The following OR52H1 variants were observed in gnomAD, a reference collection of about 807,000 sequenced individuals.
The protein encoded by OR52H1 is olfactory receptor 52H1.
For missense variants in OR52H1, 383 were observed against 396.4 expected (o/e 0.97, Z 0.29); for synonymous variants, 148 against 138.6 (o/e 1.07, Z -0.48).
Position 5,544,804 on chromosome 11 carries a change from A to T in OR52H1, c.702T>A (p.Asp234Glu), listed in dbSNP as rs201816587. The change falls in exon 2 of 2, where the codon GAT becomes GAA. Residue 234 changes from aspartate (D) to glutamate (E), a missense_variant. Physicochemically the swap from Asp to Glu is conservative, Grantham distance 45 (BLOSUM62 2). Transcript: ENST00000322653. The part of the protein sequence containing the change: ...LCAVFGLPSQ[D>E]ACQKALGTCG... ...AAGTGCCGAGGGCTTTCTGGCAGGC[A>T]TCTTGGGAGGGAAGGCCAAAGACAG... is the stretch of plus-strand genomic sequence containing the variant. 6.4e-5 allele frequency: 103 copies of T among 1,614,062 alleles called. No homozygotes were observed. Among genetic ancestry groups the T allele is most frequent in the Admixed American group, 1.5e-4 (9 of 60,000 alleles).
chr11:5,547,100 C>A (rs1026961389), intron 1 of OR52H1, among the ~76,000 whole-genome samples: 4 of 151,946 alleles, frequency 2.6e-5, no homozygotes, highest in Non-Finnish European at 2.9e-5. Flanking sequence ...GGATTACAGG[C>A]GCCCGCCACC....
Position 5,545,509 on chromosome 11 carries a change from A to G in OR52H1, c.-4T>C. 1.9e-6 allele frequency: 3 copies of G among 1,612,970 alleles called. No individual in the cohort carries two copies. Among genetic ancestry groups the G allele is most frequent in the Non-Finnish European group, 2.5e-6 (3 of 1,179,034 alleles). On this transcript the variant is annotated 5_prime_UTR_variant, in exon 2 of 2. Coordinates refer to ENST00000322653, the MANE Select transcript of OR52H1 (RefSeq NM_001005289.5). ...TGCTCAGGTTGAAAATGATCATGGC[A>G]GAGGCAGATGGCATAAATCTCAGCC...
rs1175997260 is a variant in OR52H1 at position 5,544,974 on chromosome 11, G to T, written c.532C>A (p.His178Asn). ...LPFCRTRIIP[H>N]TYCEHIGVAQ... Reference sequence around the variant, plus strand: ...ACACCTATATGCTCACAGTATGTGTGGGGTATGATGCGTGTCCTGCAGAAA... The same window carrying T: ...ACACCTATATGCTCACAGTATGTGTTGGGTATGATGCGTGTCCTGCAGAAA... Residue 178 changes from histidine (H) to asparagine (N), a missense_variant, in exon 2 of 2, where the codon CAC becomes AAC. Physicochemically the swap from His to Asn is moderately conservative, Grantham distance 68 (BLOSUM62 1). Coordinates refer to ENST00000322653, the MANE Select transcript of OR52H1 (RefSeq NM_001005289.5). 2.5e-6 allele frequency: 4 copies of T among 1,614,174 alleles called. No homozygotes were observed. The highest frequency in any genetic ancestry group is 3.4e-6 in the Non-Finnish European group (4 of 1,180,034).
At position 5,545,304 on chromosome 11, in the gene OR52H1, G is replaced by T. The variant is rs1429346094; in HGVS notation, c.202C>A (p.Leu68Met). The change falls in exon 2 of 2, where the codon CTG becomes ATG. Residue 68 changes from leucine to methionine, a missense_variant. Transcript: ENST00000322653. Reference protein sequence around the residue: ...HEPMFFFLSMLAMTDLILSTA... With the variant: ...HEPMFFFLSMMAMTDLILSTA... ...GACAAGATGAGGTCAGTCATGGCCAGCATGGAGAGAAAGAAGAACATGGGT... is the reference window on the plus strand; with the variant it reads ...GACAAGATGAGGTCAGTCATGGCCATCATGGAGAGAAAGAAGAACATGGGT... 1 of 1,614,080 alleles carries T rather than the reference G, an allele frequency of 6.2e-7. No individual in the cohort carries two copies. Among genetic ancestry groups the T allele is most frequent in the Non-Finnish European group, 8.5e-7 (1 of 1,180,040 alleles).
rs761150768 is a variant in OR52H1 at position 5,544,907 on chromosome 11, T to C, written c.599A>G (p.Tyr200Cys). 3.1e-6 allele frequency: 5 copies of C among 1,613,944 alleles called. No individual in the cohort carries two copies. The highest frequency in any genetic ancestry group is 3.4e-6 in the Non-Finnish European group (4 of 1,179,896). Reference sequence around the variant, plus strand: ...CGTCATGATGGGAACACAAAAGCCATACCAGAAGTTGATGGAGATATCAGC... The same window carrying C: ...CGTCATGATGGGAACACAAAAGCCACACCAGAAGTTGATGGAGATATCAGC... ...ACADISINFWYGFCVPIMTVI... is the reference protein window; with the variant it reads ...ACADISINFWCGFCVPIMTVI... Residue 200 changes from tyrosine (Y) to cysteine (C), a missense_variant, in exon 2 of 2, where the codon TAT becomes TGT. Physicochemically the swap from Tyr to Cys is radical, Grantham distance 194. Transcript: ENST00000322653.
In OR52H1 at chr11:5,545,553, T is replaced by C; in HGVS notation, c.-30-18A>G. ...CTCAGCCCCTAAAGACAGAGGGTGA[T>C]TAAGGATAGAGAAACTTGAGTAACT... On this transcript the variant is annotated intron_variant, in intron 1 of 1. Transcript: ENST00000322653. 1 of 1,585,318 alleles carries C rather than the reference T, an allele frequency of 6.3e-7. No homozygotes were observed. The highest frequency in any genetic ancestry group is 8.6e-7 in the Non-Finnish European group (1 of 1,163,968).
At chr11:5,546,545 G>A (rs1035897666) in intron 1 of OR52H1, among the ~76,000 whole-genome samples, 37 of 151,732 alleles carry the variant, frequency 2.4e-4, no homozygotes, top group African/African-American at 8.0e-4. Context: ...ATTAGATTTT[G>A]TCACTGTCAC....
Position 5,545,101 on chromosome 11 carries a change from G to C in OR52H1, c.405C>G (p.Thr135=). The C allele has an allele frequency of 6.2e-7, 1 of 1,614,000 alleles. No individual in the cohort carries two copies. The highest frequency in any genetic ancestry group is 8.5e-7 in the Non-Finnish European group (1 of 1,179,918). Residue 135 remains threonine (T), a synonymous_variant, in exon 2 of 2, where the codon ACC becomes ACG. Transcript: ENST00000322653. ...TGATGGTCTTGGGAGTCAAGATGGTGGTATATCTCAAGGGAGAACAGATAG... is the reference window on the plus strand; with the variant it reads ...TGATGGTCTTGGGAGTCAAGATGGTCGTATATCTCAAGGGAGAACAGATAG... ...YVAICSPLRY[T]TILTPKTIIK... is the part of the protein sequence containing the mutation.
chr11:5,546,181 C>CAA (rs34696903), intron 1 of OR52H1, among the ~76,000 whole-genome samples: 16,045 of 145,330 alleles, frequency 0.11, 1,056 homozygotes, highest in Admixed American at 0.16. Flanking sequence ...CCTTTCTCCT[C>CAA]AAAAAAAAAA....
chr11:5,546,379 C>G (rs1406196925), intron 1 of OR52H1, among the ~76,000 whole-genome samples: 1 of 151,240 alleles, frequency 6.6e-6, no homozygotes, highest in African/African-American at 2.4e-5. Context: ...ACCCTTAATA[C>G]TTACATTCTC....
rs115173103 is a variant in OR52H1 at position 5,545,534 on chromosome 11, C to A, written c.-29G>T. 4,419 of 1,604,692 alleles carry A rather than the reference C, an allele frequency of 2.8e-3. 98 individuals are homozygous for A. The African/African-American group carries it at 0.054, about 20-fold the overall frequency. On this transcript the variant is annotated splice_region_variant and 5_prime_UTR_variant, in exon 2 of 2. Transcript: ENST00000322653. ...AGAGGCAGATGGCATAAATCTCAGC[C>A]CCTAAAGACAGAGGGTGATTAAGGA...
chr11:5,546,424 A>G (rs1231111881), intron 1 of OR52H1, among the ~76,000 whole-genome samples: 1 of 152,182 alleles, frequency 6.6e-6, no homozygotes, highest in African/African-American at 2.4e-5. Flanking sequence ...ATTCTGTCAT[A>G]TATTTTGCCA....
In OR52H1 at chr11:5,544,986, G is replaced by A. The variant is rs762332362; in HGVS notation, c.520C>T (p.Arg174Cys). The stretch of plus-strand genomic sequence containing the variant: ...TCACAGTATGTGTGGGGTATGATGC[G>A]TGTCCTGCAGAAAGGCAGGCATGTC... ...LLTCLPFCRT[R>C]IIPHTYCEHI... Residue 174 changes from arginine (R) to cysteine (C), a missense_variant, in exon 2 of 2, where the codon CGC (arginine) becomes TGC (cysteine). By Grantham distance (180) the Arg-to-Cys change is radical. Transcript: ENST00000322653. The A allele has an allele frequency of 8.7e-6, 14 of 1,614,086 alleles. No homozygotes were observed. Among genetic ancestry groups the A allele is most frequent in the East Asian group, 4.5e-5 (2 of 44,894 alleles).
chr11:5,548,126 C>T (rs758424203), intron 1 of OR52H1, among the ~76,000 whole-genome samples: 2 of 152,220 alleles, frequency 1.3e-5, no homozygotes, highest in Non-Finnish European at 2.9e-5. Flanking sequence ...GGCATACACA[C>T]ATACCAGCAC....
chr11:5,546,646 T>G (rs140181794), intron 1 of OR52H1, among the ~76,000 whole-genome samples: 66 of 152,326 alleles, frequency 4.3e-4, no homozygotes, highest in Non-Finnish European at 6.8e-4. Flanking sequence ...TCCCAACTTG[T>G]CTGAGGTCAT....
intron 1 of OR52H1, among the ~76,000 whole-genome samples, chr11:5,548,201 T>C (rs1197488869): frequency 6.6e-6 from 1 of 152,202 alleles, no homozygotes; most frequent in African/African-American, 2.4e-5. Flanking sequence ...AGAAATTTCC[T>C]AACACTGCTA....
At position 5,544,675 on chromosome 11, in the gene OR52H1, C is replaced by T; in HGVS notation, c.831G>A (p.Met277Ile). 6.2e-6 allele frequency: 10 copies of T among 1,613,762 alleles called. No individual in the cohort carries two copies. Among genetic ancestry groups the T allele is most frequent in the Non-Finnish European group, 8.5e-6 (10 of 1,180,006 alleles). Residue 277 changes from methionine to isoleucine, a missense_variant, in exon 2 of 2, where the codon ATG becomes ATA. By Grantham distance (10) the Met-to-Ile change is conservative. Coordinates refer to ENST00000322653, the MANE Select transcript of OR52H1 (RefSeq NM_001005289.5). ...GHNVSRTFHIMFANLYIVIPP... is the reference protein window; with the variant it reads ...GHNVSRTFHIIFANLYIVIPP... ...GGATAACAATGTAGAGATTGGCAAA[C>T]ATGATGTGGAAGGTGCGAGAGACAT...
At chr11:5,546,784 A>ATT (rs1366232794) in intron 1 of OR52H1, among the ~76,000 whole-genome samples, 1 of 3,054 alleles carries the variant, frequency 3.3e-4, no homozygotes, top group Admixed American at 4.4e-3. Flanking sequence ...CAGACGGTTA[A>ATT]CTCTCTCATT....
chr11:5,545,844 C>T (rs1846845560), intron 1 of OR52H1, among the ~76,000 whole-genome samples: 3 of 152,170 alleles, frequency 2.0e-5, no homozygotes, highest in Admixed American at 1.3e-4. Flanking sequence ...CTTCCTTATA[C>T]ACTGTTCTCC....
Sources: allele counts gnomAD v4.1 joint callset (sites outside exome capture counted in the v4.1 genomes callset), GRCh38; gene constraint gnomAD v4.1.1; transcripts MANE v1.5; gene names NCBI Gene and HGNC (gene_info 2026-07-23, HGNC 2026-07-21).